ARMC7: variants seen among roughly 807,000 people sequenced by gnomAD.
The protein encoded by ARMC7 is armadillo repeat-containing protein 7.
Under a neutral mutation model 14.8 loss-of-function variants are expected in ARMC7, and 9 were observed. That is an observed-to-expected ratio of 0.61 (90% CI 0.37 to 1.06). The LOEUF (loss-of-function observed/expected upper bound fraction) is 1.06. Ranked by LOEUF, ARMC7 falls within the 50% of genes least tolerant of loss-of-function variation. The pLI, the probability that ARMC7 is intolerant of heterozygous loss-of-function variation, is 0.01. For synonymous variants in ARMC7, 125 were observed against 123.4 expected, an observed-to-expected ratio of 1.01 and a Z score of -0.09; for missense variants, 262 against 267.1, an observed-to-expected ratio of 0.98 and a Z score of 0.13.
chr17:75,110,698 C>T, intron 2 of ARMC7, 92 bp downstream of exon 2: 1 of 1,514,006 alleles, frequency 6.6e-7, no homozygotes, highest in South Asian at 1.2e-5. Context: ...CGTGGTGGCT[C>T]ACACCTGTAA....
chr17:75,120,722 G>A (rs1298258178), intron 2 of ARMC7, among the ~76,000 whole-genome samples: 14 of 151,358 alleles, frequency 9.2e-5, no homozygotes, highest in Non-Finnish European at 1.9e-4. Flanking sequence ...GCTGAGGCAG[G>A]AGAATCACTT....
At chr17:75,124,970 C>T (rs1429250199) in intron 2 of ARMC7, among the ~76,000 whole-genome samples, 3 of 152,212 alleles carry the variant, frequency 2.0e-5, no homozygotes, top group Non-Finnish European at 2.9e-5. Context: ...GCCACAGCCA[C>T]GCTAGGGGCC....
intron 2 of ARMC7, among the ~76,000 whole-genome samples, chr17:75,127,993 C>A (rs921228035): frequency 3.9e-5 from 6 of 152,148 alleles, no homozygotes; most frequent in African/African-American, 1.4e-4. Context: ...TAAGTATATA[C>A]CCATGAAACC....
At chr17:75,128,633 G>A (rs751993745) in intron 2 of ARMC7, 44 bp from the exon 3 acceptor site, 43 of 1,568,952 alleles carry the variant, frequency 2.7e-5, no homozygotes, top group Non-Finnish European at 3.6e-5. Flanking sequence ...GGTGGGAGGA[G>A]GCCCGGGGCT....
chr17:75,112,355 C>T (rs772751009), intron 2 of ARMC7, among the ~76,000 whole-genome samples: 4 of 152,048 alleles, frequency 2.6e-5, no homozygotes, highest in Non-Finnish European at 4.4e-5. Context: ...CGCTTGAGCC[C>T]AGGAATTTGA....
At chr17:75,122,325 C>CAAAACA (rs1330379817) in intron 2 of ARMC7, among the ~76,000 whole-genome samples, 1 of 151,178 alleles carries the variant, frequency 6.6e-6, no homozygotes, top group East Asian at 2.0e-4. Context: ...AACTCCGTCT[C>CAAAACA]AAAACAAAAA....
At position 75,110,478 on chromosome 17, in the gene ARMC7, TCCTCGCCAA is replaced by T. The variant is rs775791420; in HGVS notation, c.118_126del (p.Leu40_Asn42del). 6.2e-7 allele frequency: 1 copy of T among 1,614,190 alleles called. No individual in the cohort carries two copies. Among genetic ancestry groups the T allele is most frequent in the Non-Finnish European group, 8.5e-7 (1 of 1,180,020 alleles). ...CCCGTTGCAGACGCCAAGGAGCAAG[TCCTCGCCAA>T]CCTCGCCAACTTCGCTTATGACCCC... On this transcript the variant is annotated inframe_deletion, in exon 2 of 3. Transcript: ENST00000245543.
chr17:75,124,877 G>A (rs1411713106), intron 2 of ARMC7, among the ~76,000 whole-genome samples: 1 of 152,226 alleles, frequency 6.6e-6, no homozygotes, highest in African/African-American at 2.4e-5. Flanking sequence ...TCAGTGAAGT[G>A]TCCACGGTTC....
chr17:75,116,665 G>C (rs2073975158), intron 2 of ARMC7, among the ~76,000 whole-genome samples: 1 of 152,208 alleles, frequency 6.6e-6, no homozygotes, highest in African/African-American at 2.4e-5. Flanking sequence ...CTTAAACCCA[G>C]AGCAGTCAGA....
At chr17:75,121,750 T>C (rs1389479979) in intron 2 of ARMC7, among the ~76,000 whole-genome samples, 1 of 152,152 alleles carries the variant, frequency 6.6e-6, no homozygotes, top group African/African-American at 2.4e-5. Flanking sequence ...GTTGAGTGTG[T>C]AGTGGCATGT....
At chr17:75,114,184 C>T (rs1531564) in intron 2 of ARMC7, 251,018 of 401,064 alleles carry the variant, frequency 0.63, 82,541 homozygotes, top group South Asian at 0.77. Context: ...GCAGTCTGAA[C>T]GGTGACGGTG....
At chr17:75,118,106 C>T (rs1396269848) in intron 2 of ARMC7, among the ~76,000 whole-genome samples, 5 of 139,250 alleles carry the variant, frequency 3.6e-5, no homozygotes, top group East Asian at 4.0e-4. Context: ...GCATGGGCGA[C>T]AAAGCAAGAC....
chr17:75,127,991 T>C (rs553468163), intron 2 of ARMC7, among the ~76,000 whole-genome samples: 51 of 152,358 alleles, frequency 3.3e-4, no homozygotes, highest in Non-Finnish European at 5.7e-4. Context: ...CATAAGTATA[T>C]ACCCATGAAA....
chr17:75,124,119 G>A (rs531772406), intron 2 of ARMC7, among the ~76,000 whole-genome samples: 5 of 152,266 alleles, frequency 3.3e-5, no homozygotes, highest in South Asian at 4.1e-4. Flanking sequence ...GTCCTCTGGC[G>A]CCATCTTGGC....
At position 75,119,446 on chromosome 17, in the gene ARMC7, G is replaced by GTTTTTTT. The variant is rs147340090; in HGVS notation, c.235+8846_235+8847insTTTTTTT. Among the ~76,000 whole-genome samples, 7 of 120,068 alleles carry GTTTTTTT rather than the reference G, an allele frequency of 5.8e-5. 3 individuals carry two copies. The highest frequency in any genetic ancestry group is 6.5e-5 in the Non-Finnish European group (4 of 61,292). The allele number at this position is 120,068 out of a possible 152,430, so 78.8% of individuals were successfully genotyped here. On this transcript the variant is annotated intron_variant, in intron 2 of 2. Transcript: ENST00000245543. Reference sequence around the variant, plus strand: ...ACTTCTGAAAATACCCTGTGATACAGTTTTTTCTTTTTTTTTTTTTGAGAC... The same window carrying GTTTTTTT: ...ACTTCTGAAAATACCCTGTGATACAGTTTTTTTTTTTTTCTTTTTTTTTTTTTGAGAC...
intron 2 of ARMC7, among the ~76,000 whole-genome samples, chr17:75,117,357 G>T (rs566603313): frequency 6.6e-6 from 1 of 152,216 alleles, no homozygotes; most frequent in Non-Finnish European, 1.5e-5. Context: ...GATTACAGGC[G>T]TGAGCCACTG....
At chr17:75,126,697 T>C (rs1010421222) in intron 2 of ARMC7, among the ~76,000 whole-genome samples, 1 of 151,766 alleles carries the variant, frequency 6.6e-6, no homozygotes, top group Admixed American at 6.6e-5. Flanking sequence ...CTCTCCTGCC[T>C]AAGCCTCCCT....
At chr17:75,119,442 TAC>T (rs1445585744) in intron 2 of ARMC7, among the ~76,000 whole-genome samples, 1 of 132,542 alleles carries the variant, frequency 7.5e-6, no homozygotes, top group Non-Finnish European at 1.6e-5. Context: ...TACCCTGTGA[TAC>T]AGTTTTTTCT....
chr17:75,129,406 C>T lies in ARMC7; in HGVS notation c.*368C>T, dbSNP rs1301974206. 7.2e-6 allele frequency: 2 copies of T among 279,660 alleles called. No homozygotes were observed. Among genetic ancestry groups the T allele is most frequent in the East Asian group, 7.3e-5 (1 of 13,776 alleles). The allele number at this position is 279,660 out of a possible 1,614,324, so 17.3% of individuals were successfully genotyped here. On this transcript the variant is annotated 3_prime_UTR_variant, in exon 3 of 3. Transcript: ENST00000245543. ...CTGAGGCTTAGGAGAGCTGCCTTCG[C>T]TGCAGGAAATCAGGGATTATCCCTT...
Sources: allele counts gnomAD v4.1 joint callset (sites outside exome capture counted in the v4.1 genomes callset), GRCh38; gene constraint gnomAD v4.1.1; transcripts MANE v1.5; gene names NCBI Gene and HGNC (gene_info 2026-07-23, HGNC 2026-07-21).